The following PEAK1 variants were observed in gnomAD, a reference collection of about 807,000 sequenced individuals.
PEAK1 encodes pseudopodium enriched atypical kinase 1.
In PEAK1, 54 loss-of-function variants were observed where a neutral mutation model predicts 124.7. The observed-to-expected ratio is 0.43, with a 90% CI of 0.35 to 0.54. The LOEUF (loss-of-function observed/expected upper bound fraction) is 0.54. Ranked by LOEUF, PEAK1 falls within the 20% of genes least tolerant of loss-of-function variation. The probability of loss-of-function intolerance (pLI) is 0.01; values close to 1 mark genes in which losing one functional copy is unlikely to be tolerated. For synonymous variants in PEAK1, 719 were observed against 760.0 expected (o/e 0.95, Z 0.89); for missense variants, 2,046 against 2,134.5 (o/e 0.96, Z 0.82).
At chr15:77,151,707 C>G (rs912283783) in intron 8 of PEAK1, among the ~76,000 whole-genome samples, 5 of 152,114 alleles carry the variant, frequency 3.3e-5, no homozygotes, top group Non-Finnish European at 7.4e-5. Flanking sequence ...AGGAAGGGAT[C>G]CAGTTTCAGC....
At chr15:77,410,344 C>T (rs1201548042) in intron 1 of PEAK1, among the ~76,000 whole-genome samples, 1 of 152,100 alleles carries the variant, frequency 6.6e-6, no homozygotes, top group Non-Finnish European at 1.5e-5. Flanking sequence ...AGGCTGGTCT[C>T]GAACTCTCGA....
intron 2 of PEAK1, among the ~76,000 whole-genome samples, chr15:77,343,768 G>C (rs535999134): frequency 6.6e-6 from 1 of 152,228 alleles, no homozygotes; most frequent in East Asian, 1.9e-4. Context: ...TTACAGGTGT[G>C]AGAAACCGCG....
intron 2 of PEAK1, among the ~76,000 whole-genome samples, chr15:77,323,881 C>G (rs987867115): frequency 2.0e-5 from 3 of 152,184 alleles, no homozygotes; most frequent in African/African-American, 7.2e-5. Context: ...TGACTTCAAA[C>G]TATACTACAA....
Position 77,179,172 on chromosome 15 carries a change from C to G in PEAK1, c.2755G>C (p.Asp919His). Reference sequence around the variant, plus strand: ...GATATCCAGCGCTTAGGTTTTGCATCAGCTGCCCGCCTGCTGCCTTCAGAG... The same window carrying G: ...GATATCCAGCGCTTAGGTTTTGCATGAGCTGCCCGCCTGCTGCCTTCAGAG... The part of the protein sequence containing the change: ...LHSEGSRRAA[D>H]AKPKRWISFK... The change falls in exon 7 of 10, where the codon GAT (aspartate) becomes CAT (histidine). Residue 919 changes from aspartate to histidine, a missense_variant. Asp to His is a moderately conservative substitution (Grantham distance 81). Transcript: ENST00000682557. 3 of 1,614,190 alleles carry G rather than the reference C, an allele frequency of 1.9e-6. No homozygotes were observed. Among genetic ancestry groups the G allele is most frequent in the Non-Finnish European group, 2.5e-6 (3 of 1,180,034 alleles).
At chr15:77,192,820 G>A (rs796848863) in intron 6 of PEAK1, among the ~76,000 whole-genome samples, 1 of 151,584 alleles carries the variant, frequency 6.6e-6, no homozygotes, top group African/African-American at 2.4e-5. Context: ...AGGCCGAACG[G>A]TCCTTACCTT....
chr15:77,330,016 A>G (rs2065805722), intron 2 of PEAK1, among the ~76,000 whole-genome samples: 1 of 149,242 alleles, frequency 6.7e-6, no homozygotes, highest in Admixed American at 6.6e-5. Flanking sequence ...TATTAAAAAG[A>G]AAAAAAAATT....
chr15:77,226,058 T>TGG, intron 6 of PEAK1, among the ~76,000 whole-genome samples: 1 of 64,878 alleles, frequency 1.5e-5, no homozygotes, highest in African/African-American at 4.4e-5. Flanking sequence ...TATATATATA[T>TGG]ATATATATAT....
At chr15:77,184,879 G>GACTCTGCCTCGAAAA (rs144772577) in intron 6 of PEAK1, among the ~76,000 whole-genome samples, 54,866 of 151,996 alleles carry the variant, frequency 0.36, 10,044 homozygotes, top group Non-Finnish European at 0.38. Context: ...CACAGTCTAA[G>GACTCTGCCTCGAAAA]ACAAACAAAC....
chr15:77,271,723 C>G (rs977669075), intron 5 of PEAK1, among the ~76,000 whole-genome samples: 5 of 152,060 alleles, frequency 3.3e-5, no homozygotes, highest in Admixed American at 2.6e-4. Flanking sequence ...TAGGTGGCAA[C>G]TGAACAGTGA....
At chr15:77,401,656 T>A in intron 1 of PEAK1, 1 of 985,180 alleles carries the variant, frequency 1.0e-6, no homozygotes, top group Middle Eastern at 5.2e-4. Flanking sequence ...AGAACTTCAA[T>A]GGACATTGCC....
chr15:77,332,385 G>T, intron 2 of PEAK1: 1 of 411,928 alleles, frequency 2.4e-6, no homozygotes, highest in Non-Finnish European at 3.3e-6. Context: ...AGATCACGAG[G>T]TCAGGAGATT....
intron 6 of PEAK1, among the ~76,000 whole-genome samples, chr15:77,220,554 AATC>A (rs1343823151): frequency 6.6e-6 from 1 of 151,244 alleles, no homozygotes; most frequent in Non-Finnish European, 1.5e-5. Flanking sequence ...GGAACCAGTT[AATC>A]ATCTATCAAA....
intron 1 of PEAK1, among the ~76,000 whole-genome samples, chr15:77,371,973 T>A (rs1030441304): frequency 6.6e-6 from 1 of 152,208 alleles, no homozygotes; most frequent in Non-Finnish European, 1.5e-5. Context: ...AATGGGTACT[T>A]TAAAATCACT....
intron 6 of PEAK1, among the ~76,000 whole-genome samples, chr15:77,197,523 C>A (rs2058166551): frequency 1.3e-5 from 2 of 152,080 alleles, no homozygotes; most frequent in African/African-American, 2.4e-5. Context: ...TGATAGATTT[C>A]TGTTATTTTT....
chr15:77,152,521 C>T (rs1380157529), intron 8 of PEAK1, among the ~76,000 whole-genome samples: 1 of 152,132 alleles, frequency 6.6e-6, no homozygotes, highest in African/African-American at 2.4e-5. Flanking sequence ...ACTTCCAACA[C>T]TATGTTGAAT....
intron 8 of PEAK1, among the ~76,000 whole-genome samples, chr15:77,134,807 T>G (rs2053178670): frequency 1.3e-5 from 2 of 152,166 alleles, no homozygotes; most frequent in African/African-American, 4.8e-5. Context: ...TATGTTGAAG[T>G]GCTAACCCCT....
intron 1 of PEAK1, chr15:77,403,963 C>G: frequency 1.0e-6 from 1 of 963,906 alleles, no homozygotes. Flanking sequence ...GGGTAAACTG[C>G]GTGTCACAAG....
chr15:77,267,966 T>C (rs117933559), intron 5 of PEAK1, among the ~76,000 whole-genome samples: 1,770 of 151,758 alleles, frequency 0.012, 23 homozygotes, highest in Non-Finnish European at 0.019. Context: ...AAAAATGATA[T>C]AGGATATGAA....
intron 9 of PEAK1, among the ~76,000 whole-genome samples, chr15:77,122,876 A>C (rs2052040088): frequency 6.6e-6 from 1 of 152,220 alleles, no homozygotes; most frequent in Non-Finnish European, 1.5e-5. Context: ...TATAGTCTGA[A>C]CTAGTTGTAA....
Sources: allele counts gnomAD v4.1 joint callset (sites outside exome capture counted in the v4.1 genomes callset), GRCh38; gene constraint gnomAD v4.1.1; transcripts MANE v1.5; gene names NCBI Gene and HGNC (gene_info 2026-07-23, HGNC 2026-07-21).